The following TRIM42 variants were observed in gnomAD, a reference collection of about 807,000 sequenced individuals.
TRIM42 encodes the protein tripartite motif containing 42, also known as tripartite motif-containing protein 42.
TRIM42 carries 59 observed loss-of-function variants against 64.9 expected under a neutral mutation model. The observed-to-expected ratio is 0.91, with a 90% CI of 0.74 to 1.13. The LOEUF is 1.13. Ranked by LOEUF, TRIM42 falls within the 50% of genes most tolerant of loss-of-function variation. The pLI is 0.00. For synonymous variants in TRIM42, 354 were observed against 346.3 expected (o/e 1.02, Z -0.25); for missense variants, 878 against 929.5 (o/e 0.94, Z 0.72).
chr3:140,690,620 A>G (rs1241383532), intron 3 of TRIM42, among the ~76,000 whole-genome samples: 2 of 146,704 alleles, frequency 1.4e-5, no homozygotes, highest in African/African-American at 5.0e-5. Flanking sequence ...GAAATTGCAA[A>G]GAAATAATAA....
At chr3:140,681,058 T>G (rs1392918132) in intron 1 of TRIM42, among the ~76,000 whole-genome samples, 1 of 152,272 alleles carries the variant, frequency 6.6e-6, no homozygotes, top group Admixed American at 6.5e-5. Context: ...CATTTATTTT[T>G]ATACACTGCA....
chr3:140,682,429 C>T (rs1414396169), intron 1 of TRIM42, 33 bp from the exon 2 acceptor site: 5 of 1,587,960 alleles, frequency 3.1e-6, no homozygotes, highest in South Asian at 1.2e-5. Context: ...TTGAGCCTGC[C>T]TCCTGAAACC....
At position 140,682,660 on chromosome 3, in the gene TRIM42, C is replaced by A. The variant is rs772948132; in HGVS notation, c.540C>A (p.Thr180=). The change falls in exon 2 of 5, where the codon ACC becomes ACA. Residue 180 remains threonine, a synonymous_variant. Coordinates refer to ENST00000286349, the MANE Select transcript of TRIM42 (RefSeq NM_152616.5). ...AGCTGCAGAAGCACGCCGAGGTCAC[C>A]GAGAACTTCTTCATCCTCATCTGCC... ...LRQLQKHAEV[T]ENFFILICPV... 1.9e-6 allele frequency: 3 copies of A among 1,613,462 alleles called. No homozygotes were observed. The highest frequency in any genetic ancestry group is 1.6e-4 in the Middle Eastern group (1 of 6,062).
At chr3:140,697,744 C>A (rs143053634) in intron 4 of TRIM42, among the ~76,000 whole-genome samples, 5,337 of 152,252 alleles carry the variant, frequency 0.035, 300 homozygotes, top group African/African-American at 0.12. Context: ...AGTGCAGTGG[C>A]GCGATCTCGG....
intron 4 of TRIM42, among the ~76,000 whole-genome samples, chr3:140,695,235 G>A (rs1044685268): frequency 6.6e-6 from 1 of 151,982 alleles, no homozygotes; most frequent in African/African-American, 2.4e-5. Flanking sequence ...GTGACAGAGT[G>A]AGACTCCATG....
intron 4 of TRIM42, among the ~76,000 whole-genome samples, chr3:140,692,931 A>C (rs940806869): frequency 6.6e-6 from 1 of 152,252 alleles, no homozygotes; most frequent in Non-Finnish European, 1.5e-5. Flanking sequence ...AAAGTATGTC[A>C]TCAGTCTACC....
At chr3:140,682,386 G>T in intron 1 of TRIM42, 76 bp from the exon 2 acceptor site, 1 of 1,442,600 alleles carries the variant, frequency 6.9e-7, no homozygotes. Context: ...GGAACCAAGA[G>T]TTCTTTCAGA....
rs138224500 is a variant in TRIM42, at chr3:140,700,888, G to A, written c.2086G>A (p.Val696Met). ...CATGACTCTTCGCTTCTGATTGCAG[G>A]TGGTAACACCAGATGGACATGGGAA... The part of the protein sequence containing the change: ...GPGQWSDICK[V>M]VTPDGHGKNR... The change falls in exon 5 of 5, where the codon GTG becomes ATG. Residue 696 changes from valine to methionine, a missense_variant and splice_region_variant. Transcript: ENST00000286349. 2.7e-5 allele frequency: 44 copies of A among 1,613,922 alleles called. No individual in the cohort carries two copies. In the African/African-American group the frequency reaches 5.5e-4, roughly 20 times the overall value.
At chr3:140,681,216 C>T (rs1988385727) in intron 1 of TRIM42, among the ~76,000 whole-genome samples, 1 of 152,230 alleles carries the variant, frequency 6.6e-6, no homozygotes, top group Non-Finnish European at 1.5e-5. Context: ...AGTGGAAGCA[C>T]ATACTTTTCA....
chr3:140,680,596 T>A (rs2107840697), intron 1 of TRIM42: 1 of 838,622 alleles, frequency 1.2e-6, no homozygotes, highest in East Asian at 1.2e-4. Context: ...TCTCCAGGCC[T>A]TACTTTTTTA....
intron 4 of TRIM42, among the ~76,000 whole-genome samples, chr3:140,699,109 G>C (rs1311809264): frequency 6.6e-6 from 1 of 151,674 alleles, no homozygotes; most frequent in Non-Finnish European, 1.5e-5. Context: ...TCTCCTTCAG[G>C]CCATTATTAA....
chr3:140,697,359 AATT>A (rs1988877715), intron 4 of TRIM42, among the ~76,000 whole-genome samples: 1 of 152,120 alleles, frequency 6.6e-6, no homozygotes, highest in Non-Finnish European at 1.5e-5. Context: ...CAAAATCATC[AATT>A]ATTTTTTCTT....
In TRIM42 at chr3:140,690,977, A is replaced by C; in HGVS notation, c.1870A>C (p.Thr624Pro). Residue 624 changes from threonine (T) to proline (P), a missense_variant, in exon 4 of 5, where the codon ACA (threonine) becomes CCA (proline). By Grantham distance (38) the Thr-to-Pro change is conservative. Transcript: ENST00000286349. Reference sequence around the variant, plus strand: ...TTCATTTCTTCCATAGGTTTACTGGACATGTCCAGCAGAAGACGTGGACTC... The same window carrying C: ...TTCATTTCTTCCATAGGTTTACTGGCCATGTCCAGCAGAAGACGTGGACTC... ...VYPRAAKVYW[T>P]CPAEDVDSFE... 1 of 1,613,456 alleles carries C rather than the reference A, an allele frequency of 6.2e-7. No individual in the cohort carries two copies. The highest frequency in any genetic ancestry group is 1.1e-5 in the South Asian group (1 of 91,056).
intron 4 of TRIM42, among the ~76,000 whole-genome samples, chr3:140,692,542 C>CAA: frequency 7.6e-6 from 1 of 131,106 alleles, no homozygotes; most frequent in Non-Finnish European, 1.7e-5. Flanking sequence ...CACACACACA[C>CAA]ACACACACAC....
At chr3:140,685,377 C>T (rs1472283129) in intron 2 of TRIM42, among the ~76,000 whole-genome samples, 2 of 152,162 alleles carry the variant, frequency 1.3e-5, no homozygotes, top group Admixed American at 1.3e-4. Context: ...ATGGTGCAGC[C>T]AAGGTCGAGA....
At chr3:140,685,043 G>A (rs940380392) in intron 2 of TRIM42, among the ~76,000 whole-genome samples, 9 of 152,160 alleles carry the variant, frequency 5.9e-5, no homozygotes, top group Non-Finnish European at 1.3e-4. Flanking sequence ...AGGGATAATT[G>A]GTAAATTAGA....
intron 3 of TRIM42, among the ~76,000 whole-genome samples, chr3:140,689,631 C>T (rs373228964): frequency 2.7e-4 from 41 of 151,996 alleles, no homozygotes; most frequent in South Asian, 1.7e-3. Context: ...ATTCTCCTGA[C>T]GCATCACAAT....
At chr3:140,682,411 G>T (rs1421002732) in intron 1 of TRIM42, 51 bp from the exon 2 acceptor site, 1 of 1,551,840 alleles carries the variant, frequency 6.4e-7, no homozygotes, top group African/African-American at 1.4e-5. Context: ...GAGAAGCAGA[G>T]CAAGCTCTTG....
At chr3:140,692,562 C>CACACACACACACACACACACACAGAG (rs375439126) in intron 4 of TRIM42, among the ~76,000 whole-genome samples, 1,144 of 114,014 alleles carry the variant, frequency 0.01, 16 homozygotes, top group Middle Eastern at 0.057. Context: ...CACACACACA[C>CACACACACACACACACACACACAGAG]AGAGAGAGAT....
Sources: allele counts gnomAD v4.1 joint callset (sites outside exome capture counted in the v4.1 genomes callset), GRCh38; gene constraint gnomAD v4.1.1; transcripts MANE v1.5; gene names NCBI Gene and HGNC (gene_info 2026-07-23, HGNC 2026-07-21).